The following NDUFA13 variants were observed in gnomAD, a reference collection of about 807,000 sequenced individuals.
NDUFA13 encodes the protein NADH:ubiquinone oxidoreductase subunit A13, also known as NADH dehydrogenase [ubiquinone] 1 alpha subcomplex subunit 13.
In NDUFA13, 16 loss-of-function variants were observed where a neutral mutation model predicts 17.0. The ratio of observed to expected loss-of-function variants is 0.94; its 90% CI spans 0.64 to 1.43. The LOEUF is 1.43. NDUFA13 is among the 40% of genes most tolerant of loss of function. The pLI is 0.00. For synonymous variants in NDUFA13, 87 were observed against 78.4 expected, an observed-to-expected ratio of 1.11 and a Z score of -0.58; for missense variants, 228 against 206.7, an observed-to-expected ratio of 1.10 and a Z score of -0.63.
intron 1 of NDUFA13, among the ~76,000 whole-genome samples, chr19:19,517,931 A>G (rs1054794646): frequency 1.3e-5 from 2 of 152,202 alleles, no homozygotes; most frequent in African/African-American, 4.8e-5. Context: ...AGTTTCAGTT[A>G]CTGAGACAAC....
At chr19:19,526,594 G>A (rs1019239230) in intron 2 of NDUFA13, 29 of 391,222 alleles carry the variant, frequency 7.4e-5, no homozygotes, top group South Asian at 5.7e-4. Flanking sequence ...GTTGGGACCC[G>A]TGGATCCAGA....
At chr19:19,525,074 G>GGCA (rs1259545886) in intron 1 of NDUFA13, among the ~76,000 whole-genome samples, 1 of 152,106 alleles carries the variant, frequency 6.6e-6, no homozygotes. Context: ...AAATGAACAA[G>GGCA]GCAGCTGATG....
chr19:19,527,255 T>C, intron 2 of NDUFA13, 26 bp from the exon 3 acceptor site: 3 of 1,608,914 alleles, frequency 1.9e-6, no homozygotes, highest in South Asian at 1.1e-5. Context: ...TGGTCTGACC[T>C]GAGTGTGGGT....
Position 19,516,315 on chromosome 19 carries a change from C to T in NDUFA13, c.77C>T (p.Pro26Leu), listed in dbSNP as rs754055708. Residue 26 changes from proline to leucine, a missense_variant, in exon 1 of 5, where the codon CCG becomes CTG. Transcript: ENST00000507754. ...CCCATCGACTACAAACGGAACTTGCCGCGTCGAGGACTGTCGGGTCAGTAT... is the reference window on the plus strand; with the variant it reads ...CCCATCGACTACAAACGGAACTTGCTGCGTCGAGGACTGTCGGGTCAGTAT... ...YGPIDYKRNL[P>L]RRGLSGYSML... The T allele has an allele frequency of 5.6e-6, 9 of 1,613,534 alleles. No individual in the cohort carries two copies. The Admixed American group carries it at 1.2e-4, about 21-fold the overall frequency.
chr19:19,526,634 C>T (rs1253713168), intron 2 of NDUFA13: 1 of 350,634 alleles, frequency 2.9e-6, no homozygotes, highest in Non-Finnish European at 5.6e-6. Context: ...GGGGGCCTGC[C>T]TCGGGCCCTC....
At position 19,528,150 on chromosome 19, in the gene NDUFA13, G is replaced by A. The variant is rs1451338103; in HGVS notation, c.*24G>A. The A allele has an allele frequency of 6.2e-7, 1 of 1,610,588 alleles. No individual in the cohort carries two copies. The highest frequency in any genetic ancestry group is 1.1e-5 in the South Asian group (1 of 90,922). ...AGGCCCTGTGCCCTCCGGCCACCTG[G>A]ATCCCTGCCCCTCCCCACTGGGACG... On this transcript the variant is annotated 3_prime_UTR_variant, in exon 5 of 5. Coordinates refer to ENST00000507754, the MANE Select transcript of NDUFA13 (RefSeq NM_015965.7).
At chr19:19,522,647 T>C (rs1381128503) in intron 1 of NDUFA13, among the ~76,000 whole-genome samples, 1 of 151,626 alleles carries the variant, frequency 6.6e-6, no homozygotes, top group Non-Finnish European at 1.5e-5. Flanking sequence ...CCCGGCTAAT[T>C]TTTTGTATTT....
chr19:19,525,899 T>C, intron 1 of NDUFA13: 1 of 761,254 alleles, frequency 1.3e-6, no homozygotes, highest in South Asian at 1.9e-5. Flanking sequence ...CCCTTCCACT[T>C]CAGGGCCAGC....
At chr19:19,519,896 T>C (rs573220071) in intron 1 of NDUFA13, among the ~76,000 whole-genome samples, 1 of 152,036 alleles carries the variant, frequency 6.6e-6, no homozygotes, top group South Asian at 2.1e-4. Flanking sequence ...CTCCCTTCTG[T>C]CTGCCTGGGT....
Position 19,527,988 on chromosome 19 carries a change from T to C in NDUFA13, c.316-19T>C. The C allele has an allele frequency of 6.2e-7, 1 of 1,612,466 alleles. No individual in the cohort carries two copies. The highest frequency in any genetic ancestry group is 8.5e-7 in the Non-Finnish European group (1 of 1,179,824). ...ATATGGGTGGCTGTGCCTCTACCCA[T>C]ACCCCACTGTCCCCACAGGTGGGGG... is the stretch of plus-strand genomic sequence containing the variant. On this transcript the variant is annotated intron_variant, in intron 4 of 4. Coordinates refer to ENST00000507754, the MANE Select transcript of NDUFA13 (RefSeq NM_015965.7).
chr19:19,523,544 G>T (rs563558700), intron 1 of NDUFA13, among the ~76,000 whole-genome samples: 104 of 152,050 alleles, frequency 6.8e-4, no homozygotes, highest in African/African-American at 2.4e-3. Context: ...CTGCAACCTT[G>T]ACTTCTTGGG....
chr19:19,518,845 C>T (rs920413245), intron 1 of NDUFA13, among the ~76,000 whole-genome samples: 8 of 144,620 alleles, frequency 5.5e-5, no homozygotes, highest in African/African-American at 1.5e-4. Flanking sequence ...CAGGTTTAAG[C>T]GATTCTCCTG....
intron 1 of NDUFA13, among the ~76,000 whole-genome samples, chr19:19,522,368 T>C (rs1388144839): frequency 7.9e-5 from 12 of 151,610 alleles, no homozygotes. Context: ...TTTTGTCACT[T>C]GTGCTTCTGG....
intron 1 of NDUFA13, among the ~76,000 whole-genome samples, chr19:19,522,542 G>A (rs1162848370): frequency 7.5e-5 from 10 of 133,660 alleles, no homozygotes; most frequent in Middle Eastern, 4.5e-3. Context: ...GCAGTGGCGC[G>A]ATCTAGGCTC....
rs560580344 is a variant in NDUFA13 at position 19,528,034 on chromosome 19, C to T, written c.343C>T (p.Arg115Cys). ...KVGESVFHTT[R>C]WVPPLIGELY... ...GGGGGAGTCTGTGTTCCACACAACC[C>T]GCTGGGTGCCCCCCTTGATCGGGGA... Residue 115 changes from arginine to cysteine, a missense_variant, in exon 5 of 5, where the codon CGC (arginine) becomes TGC (cysteine). By Grantham distance (180) the Arg-to-Cys change is radical. Coordinates refer to ENST00000507754, the MANE Select transcript of NDUFA13 (RefSeq NM_015965.7). 4 of 1,612,626 alleles carry T rather than the reference C, an allele frequency of 2.5e-6. No homozygotes were observed. The highest frequency in any genetic ancestry group is 2.7e-5 in the African/African-American group (2 of 74,958).
intron 1 of NDUFA13, among the ~76,000 whole-genome samples, chr19:19,518,329 G>A (rs537097932): frequency 6.6e-6 from 1 of 151,836 alleles, no homozygotes; most frequent in East Asian, 1.9e-4. Context: ...CCACCTCCTG[G>A]GTTCAAGCAA....
intron 1 of NDUFA13, among the ~76,000 whole-genome samples, chr19:19,519,397 A>C (rs2061065866): frequency 6.6e-6 from 1 of 152,152 alleles, no homozygotes. Context: ...ACCACAGAGC[A>C]GTGGCCCCCC....
intron 4 of NDUFA13, 62 bp downstream of exon 4, chr19:19,527,832 G>C (rs1443258190): frequency 1.3e-6 from 2 of 1,519,540 alleles, no homozygotes; most frequent in Non-Finnish European, 1.8e-6. Context: ...TGGGGTTGGG[G>C]AGCTCCCACA....
intron 2 of NDUFA13, 91 bp from the exon 3 acceptor site, chr19:19,527,190 C>G: frequency 7.0e-7 from 1 of 1,422,250 alleles, no homozygotes; most frequent in East Asian, 2.3e-5. Flanking sequence ...GCCTCTTCCC[C>G]CAGCAGCACC....
Sources: allele counts gnomAD v4.1 joint callset (sites outside exome capture counted in the v4.1 genomes callset), GRCh38; gene constraint gnomAD v4.1.1; transcripts MANE v1.5; gene names NCBI Gene and HGNC (gene_info 2026-07-23, HGNC 2026-07-21).